Variants in FAM193A observed in about 807,000 individuals in gnomAD.
FAM193A encodes the protein family with sequence similarity 193 member A, also known as protein FAM193A.
In FAM193A, 22 loss-of-function variants were observed where a neutral mutation model predicts 126.5. The ratio of observed to expected loss-of-function variants is 0.17; its 90% confidence interval spans 0.12 to 0.25. FAM193A has a LOEUF of 0.25. Among genes scored for constraint, FAM193A ranks in the 10% least tolerant of loss-of-function variants. The pLI, the probability that FAM193A is intolerant of heterozygous loss-of-function variation, is 1.00. For synonymous variants in FAM193A, 761 were observed against 646.8 expected (o/e 1.18, Z -2.68); for missense variants, 1,675 against 1,672.8 (o/e 1.00, Z -0.02).
At chr4:2,574,387 C>G (rs1209729627) in intron 1 of FAM193A, among the ~76,000 whole-genome samples, 1 of 152,166 alleles carries the variant, frequency 6.6e-6, no homozygotes, top group African/African-American at 2.4e-5. Flanking sequence ...GTCCTGTGCT[C>G]TCGTTCACTG....
At position 2,663,269 on chromosome 4, in the gene FAM193A, C is replaced by A. The variant is rs1712703046; in HGVS notation, c.2060C>A (p.Pro687Gln). The change falls in exon 12 of 21, where the codon CCA (proline) becomes CAA (glutamine). Residue 687 changes from proline (P) to glutamine (Q), a missense_variant. Coordinates refer to ENST00000637812, the MANE Select transcript of FAM193A (RefSeq NM_001366318.2). ...TEESKADSPP[P>Q]SYPTQQAEQA... ...GAGAGCAAAGCAGACAGTCCACCCC[C>A]ATCCTACCCAACACAGCAGGTAGGA... The A allele has an allele frequency of 1.3e-6, 2 of 1,595,836 alleles. No individual in the cohort carries two copies. Among genetic ancestry groups the A allele is most frequent in the South Asian group, 1.1e-5 (1 of 87,964 alleles).
intron 1 of FAM193A, among the ~76,000 whole-genome samples, chr4:2,571,644 G>A (rs538920099): frequency 1.3e-5 from 2 of 151,770 alleles, no homozygotes; most frequent in East Asian, 2.0e-4. Flanking sequence ...TGGTTCAAGC[G>A]ATTCTCTCAC....
chr4:2,666,724 G>C (rs539126121), intron 12 of FAM193A, among the ~76,000 whole-genome samples: 1 of 152,124 alleles, frequency 6.6e-6, no homozygotes, highest in African/African-American at 2.4e-5. Flanking sequence ...ATTTCTTACT[G>C]AGTGAATTTC....
At chr4:2,585,155 G>A (rs1352395625) in intron 1 of FAM193A, among the ~76,000 whole-genome samples, 1 of 152,128 alleles carries the variant, frequency 6.6e-6, no homozygotes, top group Non-Finnish European at 1.5e-5. Flanking sequence ...TACAGTTTAT[G>A]GGTTATTTCC....
intron 2 of FAM193A, among the ~76,000 whole-genome samples, chr4:2,613,565 T>C (rs1053246144): frequency 4.0e-5 from 6 of 151,834 alleles, no homozygotes; most frequent in African/African-American, 9.7e-5. Context: ...GCAATTATCC[T>C]GCCTCAGCCT....
chr4:2,661,069 TTC>T (rs1490519220), intron 10 of FAM193A, among the ~76,000 whole-genome samples: 1 of 98,894 alleles, frequency 1.0e-5, no homozygotes, highest in Non-Finnish European at 2.5e-5. Context: ...TTCATCCCTG[TTC>T]ATTTGTCACA....
At chr4:2,561,932 A>G (rs1738640626) in intron 1 of FAM193A, among the ~76,000 whole-genome samples, 1 of 152,174 alleles carries the variant, frequency 6.6e-6, no homozygotes, top group African/African-American at 2.4e-5. Context: ...GTTTAGATCA[A>G]ACTCTTCTTC....
At chr4:2,566,728 G>T (rs949747134) in intron 1 of FAM193A, among the ~76,000 whole-genome samples, 3 of 152,050 alleles carry the variant, frequency 2.0e-5, no homozygotes, top group Admixed American at 2.0e-4. Flanking sequence ...TCCATTGTGT[G>T]TGTGTGTATA....
chr4:2,706,665 A>G (rs111684833), intron 19 of FAM193A, among the ~76,000 whole-genome samples: 2 of 149,928 alleles, frequency 1.3e-5, no homozygotes, highest in African/African-American at 4.9e-5. Context: ...CTCTCTGTTT[A>G]CTTGTGTCAT....
intron 15 of FAM193A, among the ~76,000 whole-genome samples, chr4:2,691,392 T>C (rs144792576): frequency 6.6e-6 from 1 of 152,162 alleles, no homozygotes. Context: ...ATTTCTGTAT[T>C]TTTTGGTAGA....
rs866469916 is a variant in FAM193A, at chr4:2,714,591, G to A, written c.4373-1432G>A. On this transcript the variant is annotated intron_variant, in intron 19 of 20. Transcript: ENST00000637812. ...TACAGTTGGGATCCGAGATAGCCAA[G>A]GCTGTCATAGAGCAGGTCCCTAGAG... 7.9e-5 allele frequency among the ~76,000 whole-genome samples: 12 copies of A among 152,100 alleles called. No homozygotes were observed. The East Asian group carries it at 9.6e-4, about 12-fold the overall frequency.
chr4:2,607,948 T>C, intron 2 of FAM193A: 1 of 1,449,632 alleles, frequency 6.9e-7, no homozygotes, highest in South Asian at 1.3e-5. Flanking sequence ...CACAGATTCT[T>C]TTCTTTTTTT....
intron 2 of FAM193A, among the ~76,000 whole-genome samples, chr4:2,612,474 G>T (rs1741938306): frequency 6.6e-6 from 1 of 152,084 alleles, no homozygotes; most frequent in Admixed American, 6.6e-5. Context: ...ACTCCAGCCT[G>T]GGTGACAGAG....
intron 20 of FAM193A, among the ~76,000 whole-genome samples, chr4:2,730,732 A>G (rs542177735): frequency 6.6e-6 from 1 of 151,516 alleles, no homozygotes; most frequent in Admixed American, 6.6e-5. Flanking sequence ...GAAGCTACAA[A>G]AAATACAAAA....
rs1459571920 is a variant in FAM193A at position 2,719,699 on chromosome 4, T to G, written c.4454+3595T>G. On this transcript the variant is annotated intron_variant, in intron 20 of 20. Coordinates refer to ENST00000637812, the MANE Select transcript of FAM193A (RefSeq NM_001366318.2). ...GGCGGAGGTTGTGGTGAGCCAAGAT[T>G]GCACCATTGTACTCCAGCCTGGGCA... Among the ~76,000 whole-genome samples, 7 of 147,666 alleles carry G rather than the reference T, an allele frequency of 4.7e-5. No individual in the cohort carries two copies. In the East Asian group the frequency reaches 7.9e-4, roughly 17 times the overall value.
chr4:2,691,983 G>A (rs1274596249), intron 15 of FAM193A, among the ~76,000 whole-genome samples: 1 of 152,108 alleles, frequency 6.6e-6, no homozygotes, highest in African/African-American at 2.4e-5. Flanking sequence ...CAAGTATGCA[G>A]CATTCATGGA....
intron 1 of FAM193A, among the ~76,000 whole-genome samples, chr4:2,542,177 G>C (rs1184499707): frequency 6.6e-6 from 1 of 152,076 alleles, no homozygotes; most frequent in Non-Finnish European, 1.5e-5. Context: ...CACCACACTT[G>C]GGTAATTTTT....
At chr4:2,642,486 A>G (rs1744735142) in intron 6 of FAM193A, among the ~76,000 whole-genome samples, 1 of 152,160 alleles carries the variant, frequency 6.6e-6, no homozygotes, top group African/African-American at 2.4e-5. Flanking sequence ...AAGAAAAGGC[A>G]TCGGAAGAGA....
Position 2,695,120 on chromosome 4 carries a change from G to T in FAM193A, c.3267G>T (p.Gly1089=). 2 of 1,598,264 alleles carry T rather than the reference G, an allele frequency of 1.3e-6. No homozygotes were observed. The highest frequency in any genetic ancestry group is 8.5e-7 in the Non-Finnish European group (1 of 1,171,480). ...YCDCCYCEFF[G]HGGPPAAPTS... Reference sequence around the variant, plus strand: ...ACTGCTGCTACTGCGAATTCTTTGGGCACGGCGGGGTGAGTGCATGAGGTC... The same window carrying T: ...ACTGCTGCTACTGCGAATTCTTTGGTCACGGCGGGGTGAGTGCATGAGGTC... Residue 1089 remains glycine (G), a synonymous_variant, in exon 17 of 21, where the codon GGG becomes GGT. Coordinates refer to ENST00000637812, the MANE Select transcript of FAM193A (RefSeq NM_001366318.2).
Sources: allele counts gnomAD v4.1 joint callset (sites outside exome capture counted in the v4.1 genomes callset), GRCh38; gene constraint gnomAD v4.1.1; transcripts MANE v1.5; gene names NCBI Gene and HGNC (gene_info 2026-07-23, HGNC 2026-07-21).